CCSER1: variants seen among roughly 807,000 people sequenced by gnomAD.
CCSER1 encodes the protein serine-rich coiled-coil domain-containing protein 1.
In CCSER1, 41 loss-of-function variants were observed where a neutral mutation model predicts 82.0. The ratio of observed to expected loss-of-function variants is 0.50; its 90% CI spans 0.39 to 0.65. The LOEUF is 0.65. CCSER1 is among the 30% of genes least tolerant of loss of function. The pLI, the probability that CCSER1 is intolerant of heterozygous loss-of-function variation, is 0.00. For synonymous variants in CCSER1, 414 were observed against 383.9 expected (o/e 1.08, Z -0.92); for missense variants, 1,119 against 1,064.2 (o/e 1.05, Z -0.72).
At chr4:91,297,365 T>TTGTGTGTGTGTGTG (rs764634343) in intron 10 of CCSER1, among the ~76,000 whole-genome samples, 2 of 128,814 alleles carry the variant, frequency 1.6e-5, no homozygotes, top group Non-Finnish European at 3.4e-5. Flanking sequence ...GAATGGATGC[T>TTGTGTGTGTGTGTG]TGTGTGTGTG....
At chr4:90,337,279 A>G (rs955399544) in intron 3 of CCSER1, among the ~76,000 whole-genome samples, 4 of 152,224 alleles carry the variant, frequency 2.6e-5, no homozygotes, top group Non-Finnish European at 1.5e-5. Flanking sequence ...AAGAGGAAGC[A>G]TTCTCTATAC....
intron 10 of CCSER1, among the ~76,000 whole-genome samples, chr4:91,157,916 G>A (rs760182304): frequency 6.6e-6 from 1 of 151,910 alleles, no homozygotes; most frequent in Non-Finnish European, 1.5e-5. Flanking sequence ...CATTTCTTCA[G>A]GCAATAAGAG....
In CCSER1 at chr4:90,399,751, C is replaced by A. The variant is rs944200112; in HGVS notation, c.1510-285C>A. ...GACTTCTAATATCTTTCATATCTGC[C>A]CATATGTACTTCCATTTAATTATAA... On this transcript the variant is annotated intron_variant, in intron 3 of 10. Transcript: ENST00000509176. Among the ~76,000 whole-genome samples the A allele has an allele frequency of 2.0e-5, 3 of 151,770 alleles. No individual in the cohort carries two copies. The South Asian group carries it at 6.2e-4, about 32-fold the overall frequency.
At chr4:91,026,081 T>A (rs1357454027) in intron 9 of CCSER1, among the ~76,000 whole-genome samples, 1 of 152,154 alleles carries the variant, frequency 6.6e-6, no homozygotes, top group Admixed American at 6.6e-5. Context: ...CTAAACACAT[T>A]CTGCATCTTA....
At chr4:91,147,747 G>C (rs905575197) in intron 10 of CCSER1, among the ~76,000 whole-genome samples, 1 of 152,172 alleles carries the variant, frequency 6.6e-6, no homozygotes, top group Non-Finnish European at 1.5e-5. Flanking sequence ...AAATTCAAAT[G>C]AAAATTAGGT....
At chr4:91,165,564 C>A (rs1281374700) in intron 10 of CCSER1, among the ~76,000 whole-genome samples, 6 of 152,236 alleles carry the variant, frequency 3.9e-5, no homozygotes, top group Non-Finnish European at 1.5e-5. Context: ...GCAGGCCTTG[C>A]AGAGCTGAGG....
intron 1 of CCSER1, among the ~76,000 whole-genome samples, chr4:90,179,936 T>C (rs1733409013): frequency 6.6e-6 from 1 of 152,028 alleles, no homozygotes; most frequent in Non-Finnish European, 1.5e-5. Flanking sequence ...ATAGGACATA[T>C]CTAAAATGAA....
intron 3 of CCSER1, among the ~76,000 whole-genome samples, chr4:90,337,831 C>CA (rs1018345811): frequency 2.6e-5 from 4 of 151,430 alleles, no homozygotes; most frequent in Admixed American, 6.6e-5. Context: ...TTTTCCCAAA[C>CA]AAAAAAAATG....
At chr4:90,780,447 A>C (rs751188838) in intron 7 of CCSER1, 11 of 1,611,702 alleles carry the variant, frequency 6.8e-6, no homozygotes, top group East Asian at 6.7e-5. Context: ...TACAGACCAC[A>C]TACCCTAGGG....
chr4:90,572,488 T>G (rs1003183266), intron 5 of CCSER1, among the ~76,000 whole-genome samples: 10 of 152,114 alleles, frequency 6.6e-5, no homozygotes, highest in African/African-American at 2.4e-4. Flanking sequence ...TGTTTAGATA[T>G]TCTTCTTTAA....
At chr4:91,275,917 C>A (rs755558779) in intron 10 of CCSER1, among the ~76,000 whole-genome samples, 1 of 152,030 alleles carries the variant, frequency 6.6e-6, no homozygotes, top group Non-Finnish European at 1.5e-5. Context: ...TGAAGGGACT[C>A]CTTTACTCCA....
chr4:90,218,606 G>A (rs535397620), intron 1 of CCSER1, among the ~76,000 whole-genome samples: 7 of 152,194 alleles, frequency 4.6e-5, no homozygotes, highest in Non-Finnish European at 8.8e-5. Context: ...ATAAGGGCAA[G>A]TGATAACTTT....
At chr4:91,080,031 A>T (rs1722524531) in intron 9 of CCSER1, among the ~76,000 whole-genome samples, 1 of 152,168 alleles carries the variant, frequency 6.6e-6, no homozygotes, top group African/African-American at 2.4e-5. Flanking sequence ...TAATAAGGAT[A>T]TCCAGGAATT....
intron 5 of CCSER1, among the ~76,000 whole-genome samples, chr4:90,569,171 A>T (rs1274739459): frequency 1.3e-5 from 2 of 152,144 alleles, no homozygotes; most frequent in Non-Finnish European, 2.9e-5. Flanking sequence ...TTACAAAAAC[A>T]TATAACTGGT....
At chr4:91,332,095 C>T (rs1212920447) in intron 10 of CCSER1, among the ~76,000 whole-genome samples, 2 of 152,136 alleles carry the variant, frequency 1.3e-5, no homozygotes, top group South Asian at 4.1e-4. Flanking sequence ...GTTTATTTGA[C>T]ATGCTTTTCT....
chr4:90,816,474 T>TCTATGTG (rs1759030530), intron 8 of CCSER1, among the ~76,000 whole-genome samples: 1 of 152,086 alleles, frequency 6.6e-6, no homozygotes, highest in Non-Finnish European at 1.5e-5. Flanking sequence ...TGGGCATTAT[T>TCTATGTG]TTTTCTAAGT....
chr4:91,159,775 G>A (rs1731192052), intron 10 of CCSER1, among the ~76,000 whole-genome samples: 1 of 151,802 alleles, frequency 6.6e-6, no homozygotes, highest in African/African-American at 2.4e-5. Flanking sequence ...AATTTTTGAT[G>A]AACAAAAACA....
At chr4:91,561,873 T>C (rs1170111835) in intron 10 of CCSER1, among the ~76,000 whole-genome samples, 2 of 151,532 alleles carry the variant, frequency 1.3e-5, no homozygotes, top group Non-Finnish European at 3.0e-5. Context: ...AGATTTCTTC[T>C]ATGGGTATAT....
intron 5 of CCSER1, among the ~76,000 whole-genome samples, chr4:90,616,701 AC>A (rs1357587489): frequency 8.8e-5 from 10 of 114,280 alleles, no homozygotes; most frequent in African/African-American, 5.0e-4. Context: ...ACACACACAC[AC>A]ACACACACAC....
Sources: allele counts gnomAD v4.1 joint callset (sites outside exome capture counted in the v4.1 genomes callset), GRCh38; gene constraint gnomAD v4.1.1; transcripts MANE v1.5; gene names NCBI Gene and HGNC (gene_info 2026-07-23, HGNC 2026-07-21).